Variants in LRP1B observed in about 807,000 individuals in gnomAD.
LRP1B encodes low-density lipoprotein receptor-related protein 1B.
A neutral mutation model predicts 556.6 loss-of-function variants in LRP1B; 217 were observed. The observed-to-expected ratio is 0.39, with a 90% CI of 0.35 to 0.44. The LOEUF (loss-of-function observed/expected upper bound fraction) is 0.44, where lower values mean the gene tolerates loss of function less well. LRP1B is among the 20% of genes least tolerant of loss of function. The probability of loss-of-function intolerance (pLI) is 1.00; values close to 1 mark genes in which losing one functional copy is unlikely to be tolerated. For synonymous variants in LRP1B, 2,047 were observed against 1,865.8 expected (o/e 1.10, Z -2.50); for missense variants, 5,053 against 5,620.8 (o/e 0.90, Z 3.23).
intron 79 of LRP1B, among the ~76,000 whole-genome samples, chr2:140,334,175 T>C (rs1680957658): frequency 6.6e-6 from 1 of 152,038 alleles, no homozygotes; most frequent in African/African-American, 2.4e-5. Flanking sequence ...TGTATTGCTA[T>C]AAACTGTCAA....
chr2:141,740,552 T>C lies in LRP1B; in HGVS notation c.205+69727A>G, dbSNP rs532192594. 5.9e-5 allele frequency among the ~76,000 whole-genome samples: 9 copies of C among 152,294 alleles called. No homozygotes were observed. The South Asian group carries it at 1.9e-3, about 32-fold the overall frequency. On this transcript the variant is annotated intron_variant, in intron 2 of 90. Coordinates refer to ENST00000389484, the MANE Select transcript of LRP1B (RefSeq NM_018557.3). ...AATAATCACGAGGGTAAACAGGGCA[T>C]CCATTACCTCAAGAATTCATCCTTT...
chr2:142,016,788 G>C (rs1426804821), intron 1 of LRP1B, among the ~76,000 whole-genome samples: 1 of 149,618 alleles, frequency 6.7e-6, no homozygotes, highest in African/African-American at 2.5e-5. Flanking sequence ...TAACAAACCT[G>C]CACGTTCTGC....
At chr2:141,624,025 A>T (rs1304052371) in intron 2 of LRP1B, among the ~76,000 whole-genome samples, 3 of 128,748 alleles carry the variant, frequency 2.3e-5, no homozygotes, top group Non-Finnish European at 3.3e-5. Context: ...CAAAAAAAAA[A>T]AAAAATTAAA....
intron 7 of LRP1B, among the ~76,000 whole-genome samples, chr2:141,116,817 C>T (rs1371528384): frequency 1.3e-5 from 2 of 151,738 alleles, no homozygotes; most frequent in Non-Finnish European, 2.9e-5. Flanking sequence ...ATATTTTACT[C>T]TTATTTCTAC....
intron 3 of LRP1B, among the ~76,000 whole-genome samples, chr2:141,361,483 C>T (rs1480266888): frequency 6.6e-6 from 1 of 151,980 alleles, no homozygotes; most frequent in Non-Finnish European, 1.5e-5. Flanking sequence ...GCAGTGATCT[C>T]CTTAGGAAAA....
intron 37 of LRP1B, among the ~76,000 whole-genome samples, chr2:140,715,028 A>G (rs962207857): frequency 6.6e-6 from 1 of 152,180 alleles, no homozygotes; most frequent in East Asian, 1.9e-4. Context: ...CATTGCAGGT[A>G]AAAGGAAGAG....
chr2:141,400,726 C>T (rs10427299), intron 3 of LRP1B, among the ~76,000 whole-genome samples: 152,066 of 152,338 alleles, frequency 1, 75,897 homozygotes, highest in Middle Eastern at 1. Context: ...ATATAATGGT[C>T]TCAATATCTC....
intron 1 of LRP1B, among the ~76,000 whole-genome samples, chr2:141,952,188 T>TG (rs1701125348): frequency 6.6e-6 from 1 of 151,622 alleles, no homozygotes; most frequent in Admixed American, 6.6e-5. Context: ...ATTCATCCTT[T>TG]TTTTATGGCT....
intron 7 of LRP1B, among the ~76,000 whole-genome samples, chr2:141,063,134 T>G (rs1039205004): frequency 5.3e-5 from 8 of 151,862 alleles, no homozygotes; most frequent in Non-Finnish European, 1.2e-4. Context: ...AAATTACATT[T>G]GTAAATAGAA....
At position 140,456,450 on chromosome 2, in the gene LRP1B, C is replaced by T; in HGVS notation, c.9963+5G>A. The T allele has an allele frequency of 6.2e-7, 1 of 1,611,812 alleles. No individual in the cohort carries two copies. On this transcript the variant is annotated splice_donor_5th_base_variant and intron_variant, in intron 62 of 90. Coordinates refer to ENST00000389484, the MANE Select transcript of LRP1B (RefSeq NM_018557.3). The stretch of plus-strand genomic sequence containing the variant: ...CTATAATAAGATTCCCAGACCTCCA[C>T]TCACCTGGCTGGCTGTGCAGTTGGA...
At chr2:141,856,239 G>A (rs781231033) in intron 1 of LRP1B, among the ~76,000 whole-genome samples, 18 of 152,000 alleles carry the variant, frequency 1.2e-4, no homozygotes, top group South Asian at 2.1e-4. Flanking sequence ...AAAATCTTCC[G>A]TTTATATAAA....
intron 50 of LRP1B, 51 bp downstream of exon 50, chr2:140,516,838 A>T: frequency 1.9e-6 from 3 of 1,561,546 alleles, no homozygotes; most frequent in Non-Finnish European, 1.8e-6. Flanking sequence ...GAATACTAAC[A>T]TATAAGTAAT....
chr2:140,467,041 C>T (rs113244763), intron 60 of LRP1B, among the ~76,000 whole-genome samples: 2,335 of 152,092 alleles, frequency 0.015, 60 homozygotes, highest in African/African-American at 0.051. Flanking sequence ...AATCTCTAAG[C>T]TAAGGTATAT....
rs1574171511 is a variant in LRP1B, at chr2:141,188,691, T to C, written c.851-108A>G. 10 of 905,092 alleles carry C rather than the reference T, an allele frequency of 1.1e-5. No homozygotes were observed. In the Admixed American group the frequency reaches 2.6e-4, roughly 23 times the overall value. The allele number at this position is 905,092 out of a possible 1,614,324, so 56.1% of individuals were successfully genotyped here. A position where few individuals can be genotyped will look rare whatever the true frequency, so the allele number is the denominator to read the frequency against. On this transcript the variant is annotated intron_variant, in intron 6 of 90. Transcript: ENST00000389484. ...CATCATAGAGGACATTTCAAAAGTATAGACATTTTTATGAAAAGAAACTGC... is the reference window on the plus strand; with the variant it reads ...CATCATAGAGGACATTTCAAAAGTACAGACATTTTTATGAAAAGAAACTGC...
At chr2:140,690,545 A>G (rs963636518) in intron 41 of LRP1B, among the ~76,000 whole-genome samples, 1 of 152,180 alleles carries the variant, frequency 6.6e-6, no homozygotes, top group Non-Finnish European at 1.5e-5. Context: ...CTTCCCCTAC[A>G]TCTACCACAG....
At chr2:141,257,525 G>A (rs1224660323) in intron 3 of LRP1B, among the ~76,000 whole-genome samples, 1 of 152,154 alleles carries the variant, frequency 6.6e-6, no homozygotes. Flanking sequence ...TTAGTGATAT[G>A]GAAAGTTGAG....
At chr2:141,788,394 T>C (rs1695494036) in intron 2 of LRP1B, among the ~76,000 whole-genome samples, 1 of 152,036 alleles carries the variant, frequency 6.6e-6, no homozygotes, top group South Asian at 2.1e-4. Flanking sequence ...ACTGCTGATG[T>C]CTTGTATTTA....
chr2:140,600,766 G>GTTTTTT (rs1558996101), intron 42 of LRP1B, among the ~76,000 whole-genome samples: 2 of 46,172 alleles, frequency 4.3e-5, no homozygotes, highest in African/African-American at 1.6e-4. Context: ...TGTTCTTCGG[G>GTTTTTT]GTTTTTTTTT....
chr2:141,903,996 T>A (rs1344626089), intron 1 of LRP1B, among the ~76,000 whole-genome samples: 1 of 151,638 alleles, frequency 6.6e-6, no homozygotes, highest in Non-Finnish European at 1.5e-5. Context: ...TTGGGAGAAA[T>A]AAACACCAGA....
Sources: allele counts gnomAD v4.1 joint callset (sites outside exome capture counted in the v4.1 genomes callset), GRCh38; gene constraint gnomAD v4.1.1; transcripts MANE v1.5; gene names NCBI Gene and HGNC (gene_info 2026-07-23, HGNC 2026-07-21).